Variants in INTS7 observed in about 807,000 individuals in gnomAD.
INTS7 encodes integrator complex subunit 7, also known as chromosome 1 open reading frame 73.
A neutral mutation model predicts 109.2 loss-of-function variants in INTS7; 46 were observed. That is an observed-to-expected ratio of 0.42 (90% confidence interval 0.33 to 0.54). The LOEUF (loss-of-function observed/expected upper bound fraction) is 0.54. INTS7 is among the 20% of genes least tolerant of loss of function. The probability of loss-of-function intolerance (pLI) is 0.07; values close to 1 mark genes in which losing one functional copy is unlikely to be tolerated. For missense variants in INTS7, 929 were observed against 1,132.4 expected, an observed-to-expected ratio of 0.82 and a Z score of 2.58; for synonymous variants, 412 against 402.9, an observed-to-expected ratio of 1.02 and a Z score of -0.27.
At chr1:211,958,516 T>G (rs1343071028) in intron 16 of INTS7, among the ~76,000 whole-genome samples, 1 of 152,216 alleles carries the variant, frequency 6.6e-6, no homozygotes, top group Non-Finnish European at 1.5e-5. Context: ...TTTTATGTTT[T>G]CCCTGCTAGA....
intron 4 of INTS7, among the ~76,000 whole-genome samples, chr1:212,013,576 T>A (rs1474861004): frequency 1.3e-5 from 2 of 152,222 alleles, no homozygotes; most frequent in Non-Finnish European, 2.9e-5. Context: ...TATACAGTAA[T>A]GTCCTAGGCT....
intron 8 of INTS7, among the ~76,000 whole-genome samples, chr1:211,985,933 T>C (rs1664877167): frequency 6.6e-6 from 1 of 152,296 alleles, no homozygotes; most frequent in South Asian, 2.1e-4. Context: ...AAGAATACAT[T>C]GAAAGCACCC....
chr1:211,989,459 A>G (rs1231857761), intron 7 of INTS7, among the ~76,000 whole-genome samples: 1 of 152,134 alleles, frequency 6.6e-6, no homozygotes, highest in Non-Finnish European at 1.5e-5. Context: ...AAGTAAAAAG[A>G]TAATTGGCAA....
At chr1:211,999,129 A>G (rs1378263866) in intron 7 of INTS7, among the ~76,000 whole-genome samples, 1 of 152,202 alleles carries the variant, frequency 6.6e-6, no homozygotes, top group Non-Finnish European at 1.5e-5. Context: ...CAGCAATTCC[A>G]TTTCTAGGTA....
At chr1:212,024,891 T>C (rs1666854132) in intron 1 of INTS7, among the ~76,000 whole-genome samples, 1 of 152,208 alleles carries the variant, frequency 6.6e-6, no homozygotes, top group Non-Finnish European at 1.5e-5. Context: ...GGTCTGATCA[T>C]CTCTCCAGAG....
At chr1:211,974,645 G>T (rs557965350) in intron 13 of INTS7, among the ~76,000 whole-genome samples, 1 of 152,220 alleles carries the variant, frequency 6.6e-6, no homozygotes, top group East Asian at 1.9e-4. Context: ...GGAAACATAA[G>T]GATCTCTTTG....
chr1:212,016,035 T>C (rs1300204519), intron 4 of INTS7, among the ~76,000 whole-genome samples: 1 of 152,172 alleles, frequency 6.6e-6, no homozygotes, highest in Non-Finnish European at 1.5e-5. Context: ...CTTCCAAATA[T>C]GTTTCTAAAA....
chr1:211,966,936 C>G (rs191905176), intron 15 of INTS7, among the ~76,000 whole-genome samples: 7 of 152,160 alleles, frequency 4.6e-5, no homozygotes, highest in Admixed American at 2.6e-4. Flanking sequence ...ATCTAGTGCT[C>G]AAGAGGTCTG....
chr1:212,001,700 C>T (rs934575208), intron 7 of INTS7, among the ~76,000 whole-genome samples: 2 of 152,196 alleles, frequency 1.3e-5, no homozygotes, highest in Non-Finnish European at 2.9e-5. Flanking sequence ...TCAATGACTT[C>T]ATATTGCCAA....
intron 10 of INTS7, among the ~76,000 whole-genome samples, chr1:211,979,629 G>T (rs562567631): frequency 1.4e-4 from 21 of 152,246 alleles, no homozygotes; most frequent in African/African-American, 4.8e-4. Context: ...CATGTTATTT[G>T]ATATCCTCTA....
intron 16 of INTS7, among the ~76,000 whole-genome samples, chr1:211,955,493 C>G (rs1369398219): frequency 2.6e-5 from 4 of 152,116 alleles, no homozygotes; most frequent in African/African-American, 9.7e-5. Flanking sequence ...GGAGTGCTTC[C>G]AGTTTTTGCC....
intron 13 of INTS7, among the ~76,000 whole-genome samples, chr1:211,971,726 G>C (rs1571862843): frequency 6.6e-6 from 1 of 152,054 alleles, no homozygotes; most frequent in African/African-American, 2.4e-5. Flanking sequence ...GACCAGTCTG[G>C]CAAACATGGT....
rs578053632 is a variant in INTS7, at chr1:211,941,597, G to A, written c.*227C>T. 1.8e-5 allele frequency: 10 copies of A among 558,488 alleles called. No individual in the cohort carries two copies. The East Asian group carries it at 1.9e-4, about 11-fold the overall frequency. 34.6% of individuals were successfully genotyped at this position (558,488 alleles called of 1,614,324 possible). ...GATGGTCTTGATCTCCTCGTGAGCC[G>A]CCCACCTCAGCCTCCCAAAGTGCTG... On this transcript the variant is annotated 3_prime_UTR_variant, in exon 20 of 20. Transcript: ENST00000366994.
Position 212,020,145 on chromosome 1 carries a change from A to ACC in INTS7, c.347_348insGG (p.Ala118TrpfsTer16). 6.2e-7 allele frequency: 1 copy of ACC among 1,605,442 alleles called. No individual in the cohort carries two copies. Among genetic ancestry groups the ACC allele is most frequent in the African/African-American group, 1.3e-5 (1 of 74,730 alleles). On this transcript the variant is annotated frameshift_variant, in exon 3 of 20. Coordinates refer to ENST00000366994, the MANE Select transcript of INTS7 (RefSeq NM_015434.4). LOFTEE classifies it high-confidence loss of function. ...ACCGGAGGGTGATGGCTCTTGCCAC[A>ACC]GGATCATTACTATGAATCACAGAAA...
chr1:211,985,143 C>T (rs746519519), intron 8 of INTS7, among the ~76,000 whole-genome samples: 13 of 152,124 alleles, frequency 8.5e-5, no homozygotes, highest in Non-Finnish European at 1.9e-4. Context: ...TTTATATTCG[C>T]AGCAGTAATG....
intron 7 of INTS7, among the ~76,000 whole-genome samples, chr1:211,998,614 T>G (rs184014159): frequency 9.3e-5 from 14 of 151,302 alleles, no homozygotes; most frequent in Admixed American, 7.9e-4. Flanking sequence ...AGAAAACTTT[T>G]GTGATTTTGG....
Position 211,987,867 on chromosome 1 carries a change from T to C in INTS7, c.997+19A>G, listed in dbSNP as rs532613009. ...GAGTTAGCACATTATTTATATGGTA[T>C]CTCCTGTCTTTTCCTTACCTGGAAC... is the stretch of plus-strand genomic sequence containing the variant. On this transcript the variant is annotated intron_variant, in intron 8 of 19. Coordinates refer to ENST00000366994, the MANE Select transcript of INTS7 (RefSeq NM_015434.4). The C allele has an allele frequency of 7.7e-7, 1 of 1,290,624 alleles. No homozygotes were observed. The highest frequency in any genetic ancestry group is 1.2e-5 in the South Asian group (1 of 81,534). 79.9% of individuals were successfully genotyped at this position (1,290,624 alleles called of 1,614,324 possible).
At chr1:211,955,013 T>G (rs952804982) in intron 16 of INTS7, among the ~76,000 whole-genome samples, 1 of 152,256 alleles carries the variant, frequency 6.6e-6, no homozygotes, top group African/African-American at 2.4e-5. Flanking sequence ...ACGATACTGA[T>G]TCTTCCTACC....
At chr1:211,977,160 C>A (rs964206933) in intron 11 of INTS7, among the ~76,000 whole-genome samples, 3 of 152,022 alleles carry the variant, frequency 2.0e-5, no homozygotes, top group Non-Finnish European at 4.4e-5. Flanking sequence ...GAATAACAGG[C>A]ATGAGAATGA....
Sources: allele counts gnomAD v4.1 joint callset (sites outside exome capture counted in the v4.1 genomes callset), GRCh38; gene constraint gnomAD v4.1.1; transcripts MANE v1.5; gene names NCBI Gene and HGNC (gene_info 2026-07-23, HGNC 2026-07-21).